ARID2: variants seen among roughly 807,000 people sequenced by gnomAD.
ARID2 encodes AT-rich interaction domain 2.
In ARID2, 32 loss-of-function variants were observed where a neutral mutation model predicts 184.6. The observed-to-expected ratio is 0.17, with a 90% CI of 0.13 to 0.23. The LOEUF is 0.23. ARID2 is among the 10% of genes least tolerant of loss of function. ARID2 has a pLI of 1.00. For synonymous variants in ARID2, 836 were observed against 772.6 expected, an observed-to-expected ratio of 1.08 and a Z score of -1.36; for missense variants, 1,696 against 2,197.6, an observed-to-expected ratio of 0.77 and a Z score of 4.56.
chr12:45,893,820 T>C (rs1035389331), intron 20 of ARID2, 99 bp downstream of exon 20: 4 of 1,120,370 alleles, frequency 3.6e-6, no homozygotes, highest in East Asian at 5.6e-5. Context: ...TCATTGTTTT[T>C]CTCATCAATT....
chr12:45,747,469 AT>A (rs1181128048), intron 3 of ARID2, among the ~76,000 whole-genome samples: 145 of 145,208 alleles, frequency 1.0e-3, no homozygotes, highest in Admixed American at 1.2e-3. Flanking sequence ...GGGGTCAAGG[AT>A]TTTTTTTTTT....
chr12:45,746,797 CG>C (rs1741514729), intron 3 of ARID2, among the ~76,000 whole-genome samples: 1 of 151,902 alleles, frequency 6.6e-6, no homozygotes, highest in Non-Finnish European at 1.5e-5. Context: ...GACGGAGTCT[CG>C]CTCTGTCACC....
At chr12:45,804,400 T>C (rs1027501647) in intron 3 of ARID2, among the ~76,000 whole-genome samples, 49 of 152,066 alleles carry the variant, frequency 3.2e-4, no homozygotes, top group African/African-American at 1.1e-3. Flanking sequence ...GAACTATCAC[T>C]GGACTTCCAC....
At chr12:45,846,553 C>A (rs748390538) in intron 11 of ARID2, among the ~76,000 whole-genome samples, 1 of 152,082 alleles carries the variant, frequency 6.6e-6, no homozygotes, top group Non-Finnish European at 1.5e-5. Context: ...GTATTTAGTT[C>A]AGTGTCTTGC....
chr12:45,816,668 T>G (rs1191248403), intron 4 of ARID2, among the ~76,000 whole-genome samples: 1 of 152,190 alleles, frequency 6.6e-6, no homozygotes, highest in East Asian at 1.9e-4. Flanking sequence ...TTGGAAACAA[T>G]CTAAACGTCC....
chr12:45,791,051 A>G (rs987109929), intron 3 of ARID2, among the ~76,000 whole-genome samples: 1 of 152,208 alleles, frequency 6.6e-6, no homozygotes, highest in Non-Finnish European at 1.5e-5. Flanking sequence ...AAAGGTATTT[A>G]CCCACAAGTG....
rs146456444 is a variant in ARID2, at chr12:45,809,235, A to G, written c.285-2183A>G. 1.7e-3 allele frequency among the ~76,000 whole-genome samples: 265 copies of G among 152,380 alleles called. 2 individuals are homozygous for G. The highest frequency in any genetic ancestry group is 6.0e-3 in the African/African-American group (248 of 41,596). On this transcript the variant is annotated intron_variant, in intron 3 of 20. Transcript: ENST00000334344. ...AACCATTCCACAATGAGTTCAAACA[A>G]TTCTAAAAGATTGTACTATGTAAAA...
intron 3 of ARID2, among the ~76,000 whole-genome samples, chr12:45,758,272 C>T (rs950545998): frequency 6.6e-6 from 1 of 152,164 alleles, no homozygotes; most frequent in Non-Finnish European, 1.5e-5. Flanking sequence ...TCTAATAACT[C>T]TATACAACAA....
chr12:45,752,825 A>G (rs1011409583), intron 3 of ARID2, among the ~76,000 whole-genome samples: 1 of 152,386 alleles, frequency 6.6e-6, no homozygotes, highest in Non-Finnish European at 1.5e-5. Flanking sequence ...CAAACATAAC[A>G]GAAATTAAGC....
chr12:45,761,516 C>T (rs944202524), intron 3 of ARID2, among the ~76,000 whole-genome samples: 2 of 152,004 alleles, frequency 1.3e-5, no homozygotes, highest in Non-Finnish European at 2.9e-5. Flanking sequence ...GTTTTTCTAC[C>T]TCAATATTTT....
At chr12:45,831,260 C>T (rs1205236146) in intron 6 of ARID2, among the ~76,000 whole-genome samples, 1 of 151,914 alleles carries the variant, frequency 6.6e-6, no homozygotes, top group Non-Finnish European at 1.5e-5. Flanking sequence ...CAATTAAGAC[C>T]ACAAAATTAC....
intron 3 of ARID2, among the ~76,000 whole-genome samples, chr12:45,760,665 A>G (rs1056868150): frequency 1.3e-5 from 2 of 151,460 alleles, no homozygotes; most frequent in Admixed American, 6.6e-5. Flanking sequence ...GTATATTCAC[A>G]TTTGCTTTTT....
chr12:45,760,159 A>G (rs924571384), intron 3 of ARID2, among the ~76,000 whole-genome samples: 2 of 152,130 alleles, frequency 1.3e-5, no homozygotes, highest in Admixed American at 6.5e-5. Flanking sequence ...TAATATTTTT[A>G]AAGCTCTCTT....
At chr12:45,806,154 C>T (rs1427993570) in intron 3 of ARID2, among the ~76,000 whole-genome samples, 1 of 151,198 alleles carries the variant, frequency 6.6e-6, no homozygotes, top group Non-Finnish European at 1.5e-5. Flanking sequence ...TATCTTCTGG[C>T]AATTAATTTT....
intron 20 of ARID2, among the ~76,000 whole-genome samples, chr12:45,896,109 G>A (rs185926503): frequency 6.6e-6 from 1 of 152,190 alleles, no homozygotes; most frequent in African/African-American, 2.4e-5. Flanking sequence ...TGAGTGACAC[G>A]AGGTGAGGGT....
chr12:45,742,842 GA>G (rs1231010020), intron 3 of ARID2, among the ~76,000 whole-genome samples: 4 of 152,144 alleles, frequency 2.6e-5, no homozygotes, highest in Non-Finnish European at 5.9e-5. Flanking sequence ...AGCAATCAAA[GA>G]ATAAATGCAC....
chr12:45,831,764 A>G (rs1310532511), intron 6 of ARID2, among the ~76,000 whole-genome samples: 4 of 152,186 alleles, frequency 2.6e-5, no homozygotes, highest in Admixed American at 2.6e-4. Flanking sequence ...AACTGTAATT[A>G]TGAATGTTTA....
intron 3 of ARID2, among the ~76,000 whole-genome samples, chr12:45,782,197 T>C (rs966017047): frequency 6.6e-6 from 1 of 152,040 alleles, no homozygotes; most frequent in Non-Finnish European, 1.5e-5. Context: ...AAATAGAATA[T>C]TCACTAGCAA....
At chr12:45,811,590 GT>G in intron 4 of ARID2, 39 bp downstream of exon 4, 1 of 1,598,832 alleles carries the variant, frequency 6.3e-7, no homozygotes, top group Non-Finnish European at 8.5e-7. Flanking sequence ...TATGTCCGCA[GT>G]TTTGAATTAG....
Sources: allele counts gnomAD v4.1 joint callset (sites outside exome capture counted in the v4.1 genomes callset), GRCh38; gene constraint gnomAD v4.1.1; transcripts MANE v1.5; gene names NCBI Gene and HGNC (gene_info 2026-07-23, HGNC 2026-07-21).